The following UBR3 variants were observed in gnomAD, a reference collection of about 807,000 sequenced individuals.
UBR3 encodes ubiquitin protein ligase E3 component n-recognin 3, also known as E3 ubiquitin-protein ligase UBR3.
Under a neutral mutation model 243.2 loss-of-function variants are expected in UBR3, and 85 were observed. That is an observed-to-expected ratio of 0.35 (90% CI 0.29 to 0.42). The LOEUF (loss-of-function observed/expected upper bound fraction) is 0.42. Ranked by LOEUF, UBR3 falls within the 10% of genes least tolerant of loss-of-function variation. UBR3 has a pLI of 1.00. For synonymous variants in UBR3, 748 were observed against 799.8 expected, an observed-to-expected ratio of 0.94 and a Z score of 1.09; for missense variants, 1,686 against 2,300.8, an observed-to-expected ratio of 0.73 and a Z score of 5.47.
rs2082909069 is a variant in UBR3, at chr2:169,857,076, T to TTTG, written c.546-15158_546-15157insGTT. Among the ~76,000 whole-genome samples the TTTG allele has an allele frequency of 1.3e-4, 9 of 66,690 alleles. 1 individual carries two copies. The highest frequency in any genetic ancestry group is 7.2e-3 in the Middle Eastern group (1 of 138). 43.8% of individuals were successfully genotyped at this position (66,690 alleles called of 152,430 possible). A position where few individuals can be genotyped will look rare whatever the true frequency, so the allele number is the denominator to read the frequency against. On this transcript the variant is annotated intron_variant, in intron 1 of 38. Transcript: ENST00000272793. ...ATAATTTTATTATGTTTTTTTTTTT[T>TTTG]TTTTTTTTTTTTTTTGAGACGGAGT...
chr2:169,901,335 C>T (rs2084813348), intron 8 of UBR3, among the ~76,000 whole-genome samples: 1 of 152,016 alleles, frequency 6.6e-6, no homozygotes, highest in Non-Finnish European at 1.5e-5. Flanking sequence ...CAGTAAATTA[C>T]ATTATTTCCA....
At chr2:169,831,113 A>ATG (rs1558992479) in intron 1 of UBR3, among the ~76,000 whole-genome samples, 1 of 44,936 alleles carries the variant, frequency 2.2e-5, no homozygotes, top group Non-Finnish European at 5.0e-5. Flanking sequence ...TACATTATAT[A>ATG]TATATATATA....
chr2:169,969,050 G>A (rs1432617979), intron 24 of UBR3, among the ~76,000 whole-genome samples: 3 of 152,018 alleles, frequency 2.0e-5, no homozygotes, highest in Admixed American at 6.6e-5. Flanking sequence ...ATTATTTTCT[G>A]CTATTAACTT....
intron 5 of UBR3, among the ~76,000 whole-genome samples, chr2:169,889,711 C>G (rs1416849697): frequency 6.6e-6 from 1 of 152,146 alleles, no homozygotes; most frequent in Non-Finnish European, 1.5e-5. Flanking sequence ...CCAGTAAATG[C>G]TGAATGACTG....
intron 30 of UBR3, among the ~76,000 whole-genome samples, chr2:170,024,245 T>G (rs1024127089): frequency 1.9e-4 from 27 of 145,430 alleles, no homozygotes; most frequent in Admixed American, 4.9e-4. Flanking sequence ...TCCCAGCTAC[T>G]GGGGAGGCTG....
intron 1 of UBR3, among the ~76,000 whole-genome samples, chr2:169,842,802 G>A (rs538474435): frequency 2.0e-5 from 3 of 152,226 alleles, no homozygotes; most frequent in South Asian, 2.1e-4. Flanking sequence ...GCGAGGGTCC[G>A]CGGCTTCATT....
chr2:169,836,061 ATATATATT>A (rs1258420028), intron 1 of UBR3, among the ~76,000 whole-genome samples: 4 of 33,990 alleles, frequency 1.2e-4, no homozygotes, highest in East Asian at 9.0e-4. Context: ...ATATATATAT[ATATATATT>A]TTTTTTTTTT....
chr2:170,017,965 A>G (rs2090293604), intron 30 of UBR3, among the ~76,000 whole-genome samples: 1 of 152,222 alleles, frequency 6.6e-6, no homozygotes, highest in Non-Finnish European at 1.5e-5. Flanking sequence ...TCTCAAGTTC[A>G]GAGTGATTGC....
Position 170,039,119 on chromosome 2 carries a change from A to G in UBR3, c.4557-1763A>G, listed in dbSNP as rs115746129. ...AGGGAGAATTGGAATCTTGAGGAAT[A>G]ACAGTTTGTTAGTCAGAGGAAGATG... On this transcript the variant is annotated intron_variant, in intron 31 of 38. Coordinates refer to ENST00000272793, the MANE Select transcript of UBR3 (RefSeq NM_172070.4). Among the ~76,000 whole-genome samples the G allele has an allele frequency of 2.5e-3, 380 of 152,288 alleles. 1 individual carries two copies. The highest frequency in any genetic ancestry group is 8.7e-3 in the African/African-American group (360 of 41,558).
intron 32 of UBR3, among the ~76,000 whole-genome samples, chr2:170,046,544 TTTC>T (rs2091092742): frequency 6.6e-6 from 1 of 152,220 alleles, no homozygotes; most frequent in Non-Finnish European, 1.5e-5. Flanking sequence ...ATGGAATCAG[TTTC>T]TTATTTCTTT....
intron 17 of UBR3, 132 bp downstream of exon 17, chr2:169,927,537 C>A: frequency 1.5e-6 from 1 of 687,248 alleles, no homozygotes; most frequent in Non-Finnish European, 2.3e-6. Context: ...AGAAGAACAC[C>A]AGTTGTGTGC....
At chr2:170,080,928 C>A (rs891646469) in intron 38 of UBR3, among the ~76,000 whole-genome samples, 2 of 152,148 alleles carry the variant, frequency 1.3e-5, no homozygotes, top group Non-Finnish European at 2.9e-5. Flanking sequence ...CCCAGTGGCT[C>A]ACACCTGTAA....
At chr2:170,025,508 G>T (rs745613946) in intron 30 of UBR3, among the ~76,000 whole-genome samples, 1 of 151,994 alleles carries the variant, frequency 6.6e-6, no homozygotes, top group Non-Finnish European at 1.5e-5. Flanking sequence ...AAAGAAGGAA[G>T]GTTAAGAAAT....
intron 2 of UBR3, among the ~76,000 whole-genome samples, chr2:169,873,528 G>T (rs1574091954): frequency 6.6e-6 from 1 of 152,010 alleles, no homozygotes; most frequent in Non-Finnish European, 1.5e-5. Flanking sequence ...AAGTTAGCTG[G>T]GTGTGGTGGT....
At chr2:169,948,511 G>A (rs994888400) in intron 22 of UBR3, among the ~76,000 whole-genome samples, 1 of 152,000 alleles carries the variant, frequency 6.6e-6, no homozygotes, top group African/African-American at 2.4e-5. Context: ...GTAAACTTAA[G>A]CAGTTTTAGT....
intron 22 of UBR3, among the ~76,000 whole-genome samples, chr2:169,949,014 T>G (rs2086900387): frequency 6.6e-6 from 1 of 152,030 alleles, no homozygotes; most frequent in African/African-American, 2.4e-5. Context: ...TATTAAAATT[T>G]AATAAAACAA....
intron 1 of UBR3, among the ~76,000 whole-genome samples, chr2:169,841,434 T>A (rs976325953): frequency 1.4e-4 from 21 of 152,174 alleles, no homozygotes; most frequent in Admixed American, 1.4e-3. Context: ...TTTGGTGGCA[T>A]TTGAGGAGCC....
chr2:169,862,358 C>T (rs2083122758), intron 1 of UBR3, among the ~76,000 whole-genome samples: 1 of 151,954 alleles, frequency 6.6e-6, no homozygotes, highest in Non-Finnish European at 1.5e-5. Context: ...TTCCTATTAG[C>T]GATGTAGAAA....
At chr2:170,076,632 G>C (rs2091816300) in intron 36 of UBR3, among the ~76,000 whole-genome samples, 1 of 152,170 alleles carries the variant, frequency 6.6e-6, no homozygotes, top group African/African-American at 2.4e-5. Context: ...AGCAAGATTT[G>C]CAAGTAGTCA....
Sources: allele counts gnomAD v4.1 joint callset (sites outside exome capture counted in the v4.1 genomes callset), GRCh38; gene constraint gnomAD v4.1.1; transcripts MANE v1.5; gene names NCBI Gene and HGNC (gene_info 2026-07-23, HGNC 2026-07-21).